The following NVL variants were observed in gnomAD, a reference collection of about 807,000 sequenced individuals.
The protein encoded by NVL is nuclear valosin-containing protein-like.
Under a neutral mutation model 110.2 loss-of-function variants are expected in NVL, and 84 were observed. The observed-to-expected ratio is 0.76, with a 90% CI of 0.64 to 0.91. NVL has a LOEUF of 0.91. NVL is among the 40% of genes least tolerant of loss of function. The pLI, the probability that NVL is intolerant of heterozygous loss-of-function variation, is 0.00. For synonymous variants in NVL, 354 were observed against 361.1 expected, an observed-to-expected ratio of 0.98 and a Z score of 0.22; for missense variants, 882 against 1,035.9, an observed-to-expected ratio of 0.85 and a Z score of 2.04.
chr1:224,229,079 G>A (rs1454580211), intron 22 of NVL, among the ~76,000 whole-genome samples: 3 of 151,856 alleles, frequency 2.0e-5, no homozygotes, highest in Non-Finnish European at 4.4e-5. Flanking sequence ...CCAATCACCT[G>A]AGGTTGGGAG....
intron 17 of NVL, chr1:224,269,946 T>TG: frequency 6.7e-6 from 1 of 150,210 alleles, no homozygotes; most frequent in South Asian, 2.1e-4. Context: ...CTTTTTTTTT[T>TG]TTTTGTAGAG....
At chr1:224,312,136 C>A (rs570220809) in intron 4 of NVL, 2 of 258,938 alleles carry the variant, frequency 7.7e-6, no homozygotes, top group Non-Finnish European at 1.4e-5. Flanking sequence ...AGTCCTTATG[C>A]ATTTACAAAA....
chr1:224,277,202 T>C (rs1395335323), intron 16 of NVL, among the ~76,000 whole-genome samples: 1 of 152,172 alleles, frequency 6.6e-6, no homozygotes, highest in Non-Finnish European at 1.5e-5. Flanking sequence ...CCTCACTATA[T>C]TATATTACAA....
intron 18 of NVL, among the ~76,000 whole-genome samples, chr1:224,253,050 T>C (rs544367769): frequency 6.6e-6 from 1 of 152,170 alleles, no homozygotes; most frequent in South Asian, 2.1e-4. Flanking sequence ...TCTTTGTATA[T>C]GCTTTTTTTT....
rs116808895 is a variant in NVL at position 224,323,853 on chromosome 1, C to T, written c.131+2538G>A. On this transcript the variant is annotated intron_variant, in intron 2 of 22. Transcript: ENST00000281701. ...ACATCTGAAAATCTAATGACATTTGCCCTGCTTGGTTTTAGATTTGCTTGG... is the reference window on the plus strand; with the variant it reads ...ACATCTGAAAATCTAATGACATTTGTCCTGCTTGGTTTTAGATTTGCTTGG... 4.7e-3 allele frequency among the ~76,000 whole-genome samples: 722 copies of T among 152,258 alleles called. 10 individuals carry two copies. The highest frequency in any genetic ancestry group is 0.016 in the African/African-American group (679 of 41,568).
intron 14 of NVL, among the ~76,000 whole-genome samples, chr1:224,287,309 G>GAAATA (rs1666961929): frequency 6.6e-6 from 1 of 151,706 alleles, no homozygotes. Flanking sequence ...TTGGTTAACG[G>GAAATA]GTAAAAAAAA....
At position 224,313,998 on chromosome 1, in the gene NVL, G is replaced by A. The variant is rs1188053463; in HGVS notation, c.285-2141C>T. Among the ~76,000 whole-genome samples, 3 of 152,174 alleles carry A rather than the reference G, an allele frequency of 2.0e-5. No homozygotes were observed. The East Asian group carries it at 5.8e-4, about 29-fold the overall frequency. ...AGCCTGGGTGACAGAGCGAGATTCTGTCTCAAAAAAAGAAAAAATATATAT... is the reference window on the plus strand; with the variant it reads ...AGCCTGGGTGACAGAGCGAGATTCTATCTCAAAAAAAGAAAAAATATATAT... On this transcript the variant is annotated intron_variant, in intron 4 of 22. Coordinates refer to ENST00000281701, the MANE Select transcript of NVL (RefSeq NM_002533.4).
chr1:224,286,228 T>TC, intron 14 of NVL, 98 bp from the exon 15 acceptor site: 2 of 933,688 alleles, frequency 2.1e-6, no homozygotes, highest in Non-Finnish European at 3.3e-6. Context: ...TTTTTTTTTT[T>TC]TTGAGTCTCC....
chr1:224,328,647 G>T (rs1284553776), intron 1 of NVL, among the ~76,000 whole-genome samples: 1 of 152,088 alleles, frequency 6.6e-6, no homozygotes, highest in Non-Finnish European at 1.5e-5. Flanking sequence ...TATTTTGAAA[G>T]TAAAGCCAAC....
At chr1:224,235,933 GA>G (rs35435356) in intron 20 of NVL, among the ~76,000 whole-genome samples, 11 of 142,294 alleles carry the variant, frequency 7.7e-5, no homozygotes, top group African/African-American at 2.1e-4. Flanking sequence ...ACCCTGTATG[GA>G]AAAAAAAAAA....
chr1:224,310,285 G>C (rs1243187436), intron 5 of NVL, among the ~76,000 whole-genome samples: 1 of 151,946 alleles, frequency 6.6e-6, no homozygotes, highest in Non-Finnish European at 1.5e-5. Flanking sequence ...TATACAAGAG[G>C]ATGTATATAA....
chr1:224,229,095 G>C (rs978603487), intron 22 of NVL, among the ~76,000 whole-genome samples: 1 of 151,766 alleles, frequency 6.6e-6, no homozygotes, highest in South Asian at 2.1e-4. Context: ...GGGAGTTGGA[G>C]ACCAGGCTGA....
intron 18 of NVL, among the ~76,000 whole-genome samples, chr1:224,262,688 C>T (rs950597390): frequency 7.2e-5 from 11 of 152,024 alleles, no homozygotes; most frequent in Non-Finnish European, 1.3e-4. Flanking sequence ...ACTGGTACAT[C>T]GTTTGAATAA....
At chr1:224,315,057 CTTT>C (rs71168402) in intron 4 of NVL, among the ~76,000 whole-genome samples, 49 of 143,256 alleles carry the variant, frequency 3.4e-4, no homozygotes, top group Non-Finnish European at 3.7e-4. Context: ...AACTCTGTTT[CTTT>C]TTTTTTTTTT....
chr1:224,314,721 C>T (rs896721316), intron 4 of NVL, among the ~76,000 whole-genome samples: 3 of 152,014 alleles, frequency 2.0e-5, no homozygotes, highest in African/African-American at 7.2e-5. Context: ...ATCATGAGGC[C>T]GGTGTAACCC....
At chr1:224,301,414 C>G (rs1572002608) in intron 9 of NVL, among the ~76,000 whole-genome samples, 1 of 152,004 alleles carries the variant, frequency 6.6e-6, no homozygotes, top group African/African-American at 2.4e-5. Context: ...CAAAACAATT[C>G]TTACCCATCT....
At chr1:224,246,033 CT>C (rs36056911) in intron 19 of NVL, among the ~76,000 whole-genome samples, 245 of 145,624 alleles carry the variant, frequency 1.7e-3, no homozygotes, top group Middle Eastern at 3.5e-3. Context: ...TGCCAGATGA[CT>C]TTTTTTTTTT....
At chr1:224,245,855 G>A (rs886182857) in intron 19 of NVL, among the ~76,000 whole-genome samples, 1 of 150,994 alleles carries the variant, frequency 6.6e-6, no homozygotes, top group African/African-American at 2.4e-5. Context: ...CGGGAGGTGG[G>A]ATCCGTCCAC....
At chr1:224,324,647 T>C (rs1670964809) in intron 2 of NVL, among the ~76,000 whole-genome samples, 1 of 152,196 alleles carries the variant, frequency 6.6e-6, no homozygotes. Context: ...TTCCCCAAGT[T>C]GGTCTTGAAC....
Sources: gnomAD v4.1 joint callset for allele counts (sites outside exome capture counted in the v4.1 genomes callset) on GRCh38, gnomAD v4.1.1 for gene constraint, MANE v1.5 for transcripts, NCBI Gene and HGNC (gene_info 2026-07-23, HGNC 2026-07-21) for gene names.